Variants in COG5 observed in about 807,000 individuals in gnomAD.
COG5 encodes the protein conserved oligomeric Golgi complex subunit 5.
COG5 carries 86 observed loss-of-function variants against 110.4 expected under a neutral mutation model. The ratio of observed to expected loss-of-function variants is 0.78; its 90% confidence interval spans 0.65 to 0.93. The LOEUF is 0.93. Ranked by LOEUF, COG5 falls within the 40% of genes least tolerant of loss-of-function variation. COG5 has a pLI of 0.00. For synonymous variants in COG5, 360 were observed against 334.6 expected (o/e 1.08, Z -0.83); for missense variants, 1,077 against 987.0 (o/e 1.09, Z -1.22).
chr7:107,398,186 AT>A (rs1312112972), intron 7 of COG5, among the ~76,000 whole-genome samples: 3 of 152,254 alleles, frequency 2.0e-5, no homozygotes. Flanking sequence ...AAAAGACAGC[AT>A]TATTCATAAT....
intron 14 of COG5, among the ~76,000 whole-genome samples, chr7:107,273,515 C>G (rs1009600522): frequency 6.6e-6 from 1 of 152,158 alleles, no homozygotes; most frequent in African/African-American, 2.4e-5. Flanking sequence ...TAATATGCTT[C>G]AACAGATATA....
intron 17 of COG5, among the ~76,000 whole-genome samples, chr7:107,240,211 C>T (rs554968205): frequency 3.3e-5 from 5 of 151,958 alleles, no homozygotes; most frequent in African/African-American, 7.3e-5. Flanking sequence ...TTACTCTTTA[C>T]TTATTTATTT....
chr7:107,381,690 C>T (rs528849656), intron 7 of COG5, among the ~76,000 whole-genome samples: 1 of 152,284 alleles, frequency 6.6e-6, no homozygotes, highest in South Asian at 2.1e-4. Context: ...ATGTACAAGA[C>T]TCACGAAGAG....
chr7:107,389,669 T>C (rs1189919411), intron 7 of COG5, among the ~76,000 whole-genome samples: 1 of 152,188 alleles, frequency 6.6e-6, no homozygotes, highest in Non-Finnish European at 1.5e-5. Context: ...CACGGCCATT[T>C]GCAGGGCAGC....
Position 107,248,496 on chromosome 7 carries a change from T to G in COG5, c.1753A>C (p.Ile585Leu). The G allele has an allele frequency of 6.4e-7, 1 of 1,569,848 alleles. No individual in the cohort carries two copies. The highest frequency in any genetic ancestry group is 8.6e-7 in the Non-Finnish European group (1 of 1,156,266). The change falls in exon 17 of 22, where the codon ATT becomes CTT. Residue 585 changes from isoleucine (I) to leucine (L), a missense_variant. Transcript: ENST00000297135. Reference protein sequence around the residue: ...EQTIISALKAIHALMENAVQP... With the variant: ...EQTIISALKALHALMENAVQP... ...ACAGCATTTTCCATAAGAGCATGAA[T>G]AGCCTAAAAAAAAAAAAGAAAGAAA...
Position 107,534,167 on chromosome 7 carries a change from C to T in COG5, c.418-6810G>A, listed in dbSNP as rs925635353. Among the ~76,000 whole-genome samples, 5 of 151,300 alleles carry T rather than the reference C, an allele frequency of 3.3e-5. No individual in the cohort carries two copies. In the East Asian group the frequency reaches 9.6e-4, roughly 29 times the overall value. On this transcript the variant is annotated intron_variant, in intron 5 of 21. Transcript: ENST00000297135. ...GCCTTACAAGAGCTCCTGAAGGAAG[C>T]ACTAAATATCAAAAGGAAAAACTGG...
chr7:107,554,015 A>T lies in COG5; in HGVS notation c.292+270T>A, dbSNP rs551818481. On this transcript the variant is annotated intron_variant, in intron 3 of 21. Coordinates refer to ENST00000297135, the MANE Select transcript of COG5 (RefSeq NM_006348.5). ...TTAACTAACTTGCTCAAAGTCAAAC[A>T]CCTAGTAAGCAGTAAAACAAGGATT... Among the ~76,000 whole-genome samples, 84 of 152,318 alleles carry T rather than the reference A, an allele frequency of 5.5e-4. 1 individual carries two copies. Among genetic ancestry groups the T allele is most frequent in the African/African-American group, 1.3e-3 (54 of 41,562 alleles).
At position 107,384,028 on chromosome 7, in the gene COG5, T is replaced by G. The variant is rs1408160273; in HGVS notation, c.670-11268A>C. On this transcript the variant is annotated intron_variant, in intron 7 of 21. Transcript: ENST00000297135. ...TCCCTGTGCAAACTGGTAGAAGGCC[T>G]CGGAATTTCTGAGCTGTCCTTACCC... 5.3e-5 allele frequency among the ~76,000 whole-genome samples: 8 copies of G among 152,292 alleles called. No individual in the cohort carries two copies. In the East Asian group the frequency reaches 1.5e-3, roughly 29 times the overall value.
At chr7:107,414,878 T>C (rs111590023) in intron 6 of COG5, among the ~76,000 whole-genome samples, 30,790 of 151,312 alleles carry the variant, frequency 0.2, 3,277 homozygotes, top group African/African-American at 0.23. Context: ...CAAGTGCACG[T>C]CACGACGCCT....
At chr7:107,333,547 CTTAGA>C (rs1375177022) in intron 10 of COG5, among the ~76,000 whole-genome samples, 3 of 151,890 alleles carry the variant, frequency 2.0e-5, no homozygotes, top group Non-Finnish European at 2.9e-5. Context: ...AAAATAAGAG[CTTAGA>C]TTAATGAGGC....
intron 6 of COG5, among the ~76,000 whole-genome samples, chr7:107,443,116 G>A (rs1381996367): frequency 6.6e-6 from 1 of 152,100 alleles, no homozygotes; most frequent in East Asian, 1.9e-4. Flanking sequence ...ATGTCTGTCA[G>A]CTGATGAAAA....
At chr7:107,442,057 C>A (rs926741198) in intron 6 of COG5, among the ~76,000 whole-genome samples, 11 of 152,168 alleles carry the variant, frequency 7.2e-5, no homozygotes, top group African/African-American at 2.7e-4. Flanking sequence ...GGCTCTGTGG[C>A]CCCACCCAAA....
chr7:107,341,613 T>C (rs954310656), intron 10 of COG5, among the ~76,000 whole-genome samples: 7 of 152,162 alleles, frequency 4.6e-5, no homozygotes, highest in African/African-American at 1.7e-4. Flanking sequence ...CATTACATTA[T>C]TCAACATCAA....
chr7:107,241,756 C>T (rs916498709), intron 17 of COG5, among the ~76,000 whole-genome samples: 3 of 151,632 alleles, frequency 2.0e-5, no homozygotes, highest in African/African-American at 7.3e-5. Flanking sequence ...CCAGCCTGTG[C>T]TTCATATATT....
intron 17 of COG5, among the ~76,000 whole-genome samples, chr7:107,241,428 C>CTA (rs34699008): frequency 0.16 from 22,812 of 144,670 alleles, 2,151 homozygotes; most frequent in Non-Finnish European, 0.21. Context: ...ATCTATCTAT[C>CTA]TATATATATA....
At chr7:107,396,193 TAAAG>T (rs981045597) in intron 7 of COG5, among the ~76,000 whole-genome samples, 43 of 152,140 alleles carry the variant, frequency 2.8e-4, no homozygotes, top group African/African-American at 9.4e-4. Context: ...TTACAAGAAT[TAAAG>T]GAAAAGAGAA....
intron 6 of COG5, among the ~76,000 whole-genome samples, chr7:107,512,513 C>G (rs1406214794): frequency 2.0e-5 from 3 of 152,158 alleles, no homozygotes; most frequent in African/African-American, 7.2e-5. Flanking sequence ...ATCAAGCTAC[C>G]AATGACTTTC....
At chr7:107,562,580 T>C (rs907719939) in intron 1 of COG5, among the ~76,000 whole-genome samples, 2 of 152,214 alleles carry the variant, frequency 1.3e-5, no homozygotes, top group African/African-American at 4.8e-5. Flanking sequence ...AAATTGCACG[T>C]GTATCAGGAG....
rs746241629 is a variant in COG5, at chr7:107,203,383, C to T, written c.*133G>A. 4 of 720,968 alleles carry T rather than the reference C, an allele frequency of 5.5e-6. No individual in the cohort carries two copies. The highest frequency in any genetic ancestry group is 2.7e-5 in the East Asian group (1 of 37,344). The allele number at this position is 720,968 out of a possible 1,614,324, so 44.7% of individuals were successfully genotyped here. A position where few individuals can be genotyped will look rare whatever the true frequency, so the allele number is the denominator to read the frequency against. ...TATAAGTGCTAAAGAGGTAAATAAA[C>T]GTCGATAGGAAATACCGAACAATCA... On this transcript the variant is annotated 3_prime_UTR_variant, in exon 22 of 22. Transcript: ENST00000297135.
Sources: allele counts gnomAD v4.1 joint callset (sites outside exome capture counted in the v4.1 genomes callset), GRCh38; gene constraint gnomAD v4.1.1; transcripts MANE v1.5; gene names NCBI Gene and HGNC (gene_info 2026-07-23, HGNC 2026-07-21).